The following GLDC variants were observed in gnomAD, a reference collection of about 807,000 sequenced individuals.
The protein encoded by GLDC is glycine decarboxylase.
In GLDC, 104 loss-of-function variants were observed where a neutral mutation model predicts 121.3. The ratio of observed to expected loss-of-function variants is 0.86; its 90% confidence interval spans 0.73 to 1.01. The LOEUF (loss-of-function observed/expected upper bound fraction) is 1.01. GLDC is among the 50% of genes least tolerant of loss of function. The probability of loss-of-function intolerance (pLI) is 0.00; values close to 1 mark genes in which losing one functional copy is unlikely to be tolerated. For synonymous variants in GLDC, 546 were observed against 480.6 expected (o/e 1.14, Z -1.78); for missense variants, 1,429 against 1,306.6 (o/e 1.09, Z -1.44).
At chr9:6,593,081 A>G (rs1161212227) in intron 9 of GLDC, 91 bp from the exon 10 acceptor site, 3 of 1,383,234 alleles carry the variant, frequency 2.2e-6, no homozygotes, top group Non-Finnish European at 2.1e-6. Flanking sequence ...GATAAATTCT[A>G]CTAGACTCTT....
At chr9:6,582,469 C>T (rs1587942590) in intron 15 of GLDC, among the ~76,000 whole-genome samples, 1 of 151,796 alleles carries the variant, frequency 6.6e-6, no homozygotes, top group South Asian at 2.1e-4. Context: ...TGCAGTGAGC[C>T]GAGATGGCGC....
chr9:6,643,982 C>T (rs1340140487), intron 2 of GLDC, among the ~76,000 whole-genome samples: 13 of 121,682 alleles, frequency 1.1e-4, no homozygotes, highest in Admixed American at 1.1e-4. Flanking sequence ...TGCAGTGAGC[C>T]GAGATCAAGC....
intron 2 of GLDC, among the ~76,000 whole-genome samples, chr9:6,624,842 G>C (rs775011732): frequency 2.2e-4 from 34 of 152,058 alleles, no homozygotes; most frequent in Non-Finnish European, 4.1e-4. Context: ...ACAAAAATTA[G>C]CTGGGCCTGG....
intron 8 of GLDC, among the ~76,000 whole-genome samples, chr9:6,601,630 G>T (rs1818613390): frequency 6.6e-6 from 1 of 151,582 alleles, no homozygotes; most frequent in African/African-American, 2.4e-5. Context: ...TTTTTTTGTG[G>T]GGGCAGGAGT....
At chr9:6,579,604 C>T (rs529499376) in intron 15 of GLDC, among the ~76,000 whole-genome samples, 1 of 152,272 alleles carries the variant, frequency 6.6e-6, no homozygotes, top group South Asian at 2.1e-4. Flanking sequence ...CGTGATCCTC[C>T]TATCTCAGCC....
chr9:6,620,426 T>G, intron 2 of GLDC, 107 bp from the exon 3 acceptor site: 1 of 971,256 alleles, frequency 1.0e-6, no homozygotes, highest in Non-Finnish European at 1.6e-6. Context: ...AGAATAACTA[T>G]ATGGAAAATG....
chr9:6,559,252 C>T (rs908497160), intron 16 of GLDC, among the ~76,000 whole-genome samples: 3 of 152,116 alleles, frequency 2.0e-5, no homozygotes, highest in Admixed American at 6.6e-5. Flanking sequence ...CAGTGGCTCA[C>T]GCGTGTAATC....
intron 2 of GLDC, chr9:6,639,422 C>T (rs1009473010): frequency 3.3e-6 from 3 of 914,888 alleles, no homozygotes; most frequent in South Asian, 1.3e-5. Context: ...AAGACAACAA[C>T]ACACTTGTGT....
At chr9:6,565,111 C>A (rs1220736919) in intron 16 of GLDC, among the ~76,000 whole-genome samples, 1 of 152,238 alleles carries the variant, frequency 6.6e-6, no homozygotes, top group Non-Finnish European at 1.5e-5. Flanking sequence ...AGCCAACTGG[C>A]TGACGTTTGC....
chr9:6,593,779 G>A (rs1214572021), intron 9 of GLDC, among the ~76,000 whole-genome samples: 11 of 148,488 alleles, frequency 7.4e-5, no homozygotes, highest in South Asian at 4.3e-4. Flanking sequence ...TGCAACCTCC[G>A]CCTCCTAAAT....
intron 15 of GLDC, among the ~76,000 whole-genome samples, chr9:6,573,593 A>G (rs1015244673): frequency 1.3e-5 from 2 of 152,156 alleles, no homozygotes; most frequent in Non-Finnish European, 2.9e-5. Context: ...GTCACCCCCC[A>G]GAAGGAAATA....
intron 17 of GLDC, among the ~76,000 whole-genome samples, chr9:6,557,385 G>A (rs1817656453): frequency 6.6e-6 from 1 of 152,132 alleles, no homozygotes; most frequent in African/African-American, 2.4e-5. Flanking sequence ...CATGAGGTCA[G>A]GAGATCGAGA....
rs751250959 is a variant in GLDC, at chr9:6,536,284, A to T, written c.2666-48T>A. On this transcript the variant is annotated intron_variant, in intron 22 of 24. Transcript: ENST00000321612. ...TTGCCTCACTGAAGGTCAGTGGCCTACCCAGTTTGGAAGAAAAGTTCGTAT... is the reference window on the plus strand; with the variant it reads ...TTGCCTCACTGAAGGTCAGTGGCCTTCCCAGTTTGGAAGAAAAGTTCGTAT... The T allele has an allele frequency of 2.0e-5, 30 of 1,520,806 alleles. 1 individual carries two copies. In the South Asian group the frequency reaches 3.5e-4, roughly 17 times the overall value. The allele number at this position is 1,520,806 out of a possible 1,614,324, so 94.2% of individuals were successfully genotyped here.
chr9:6,548,214 G>A (rs889020918), intron 21 of GLDC, among the ~76,000 whole-genome samples: 3 of 152,144 alleles, frequency 2.0e-5, no homozygotes, highest in African/African-American at 7.2e-5. Context: ...CTGATTGATG[G>A]AACCATGGAC....
Position 6,533,089 on chromosome 9 carries a change from G to A in GLDC, c.2991C>T (p.His997=), listed in dbSNP as rs757398632. The change falls in exon 25 of 25, where the codon CAC becomes CAT. Residue 997 remains histidine (H), a synonymous_variant. Transcript: ENST00000321612. ...CCATGGGTGGGCAGGTACAAACCAGGTGCTGATCTCCATATATGTCATCAA... is the reference window on the plus strand; with the variant it reads ...CCATGGGTGGGCAGGTACAAACCAGATGCTGATCTCCATATATGTCATCAA... ...ARIDDIYGDQ[H]LVCTCPPMEV... The A allele has an allele frequency of 3.1e-6, 5 of 1,611,360 alleles. No homozygotes were observed. Among genetic ancestry groups the A allele is most frequent in the South Asian group, 1.1e-5 (1 of 91,018 alleles).
intron 4 of GLDC, 105 bp downstream of exon 4, chr9:6,610,087 C>T (rs1818820760): frequency 2.2e-6 from 2 of 904,646 alleles, no homozygotes; most frequent in South Asian, 3.0e-5. Flanking sequence ...AAGTCATACT[C>T]TAGAAAGCTG....
At chr9:6,624,396 CAAG>C (rs1365946066) in intron 2 of GLDC, among the ~76,000 whole-genome samples, 1 of 152,132 alleles carries the variant, frequency 6.6e-6, no homozygotes, top group Non-Finnish European at 1.5e-5. Flanking sequence ...GACACACATG[CAAG>C]AAGAATGCCA....
Position 6,589,229 on chromosome 9 carries a change from T to G in GLDC, c.1546A>C (p.Thr516Pro). 1 of 1,609,780 alleles carries G rather than the reference T, an allele frequency of 6.2e-7. No individual in the cohort carries two copies. Among genetic ancestry groups the G allele is most frequent in the East Asian group, 2.2e-5 (1 of 44,834 alleles). ...ACTTGATGGGTGAGGAACGGGCTGG[T>G]CCTCTTGAACACAGACCCTGGAATA... The part of the protein sequence containing the change: ...RGIPGSVFKR[T>P]SPFLTHQVFN... The change falls in exon 12 of 25, where the codon ACC (threonine) becomes CCC (proline). Residue 516 changes from threonine (T) to proline (P), a missense_variant. Physicochemically the swap from Thr to Pro is conservative, Grantham distance 38. Coordinates refer to ENST00000321612, the MANE Select transcript of GLDC (RefSeq NM_000170.3).
At chr9:6,545,177 T>A (rs1482036314) in intron 21 of GLDC, among the ~76,000 whole-genome samples, 4 of 152,156 alleles carry the variant, frequency 2.6e-5, no homozygotes, top group Non-Finnish European at 4.4e-5. Flanking sequence ...AATACAGTCA[T>A]GCATCACTTA....
Sources: allele counts gnomAD v4.1 joint callset (sites outside exome capture counted in the v4.1 genomes callset), GRCh38; gene constraint gnomAD v4.1.1; transcripts MANE v1.5; gene names NCBI Gene and HGNC (gene_info 2026-07-23, HGNC 2026-07-21).